Variants in PHF21A observed in about 807,000 individuals in gnomAD.
The protein encoded by PHF21A is BHC80a.
A neutral mutation model predicts 82.5 loss-of-function variants in PHF21A; 11 were observed. The ratio of observed to expected loss-of-function variants is 0.13; its 90% confidence interval spans 0.08 to 0.22. The LOEUF (loss-of-function observed/expected upper bound fraction) is 0.22. Ranked by LOEUF, PHF21A falls within the 10% of genes least tolerant of loss-of-function variation. The pLI is 1.00. For synonymous variants in PHF21A, 297 were observed against 302.8 expected (o/e 0.98, Z 0.20); for missense variants, 579 against 837.8 (o/e 0.69, Z 3.81).
At chr11:46,005,024 A>T (rs1279020349) in intron 6 of PHF21A, among the ~76,000 whole-genome samples, 1 of 152,190 alleles carries the variant, frequency 6.6e-6, no homozygotes, top group African/African-American at 2.4e-5. Context: ...TATGCAGTTA[A>T]ATTTTAACAC....
At chr11:46,040,112 C>G (rs537681334) in intron 6 of PHF21A, among the ~76,000 whole-genome samples, 28 of 152,292 alleles carry the variant, frequency 1.8e-4, no homozygotes, top group African/African-American at 6.5e-4. Context: ...CCAGATATAA[C>G]AGGGTTACTA....
chr11:46,109,874 G>A (rs1251457726), intron 1 of PHF21A, among the ~76,000 whole-genome samples: 1 of 151,860 alleles, frequency 6.6e-6, no homozygotes, highest in Non-Finnish European at 1.5e-5. Flanking sequence ...CAACTACTCG[G>A]GAAGGCTGAG....
At chr11:46,046,664 G>T (rs927992357) in intron 6 of PHF21A, among the ~76,000 whole-genome samples, 1 of 152,132 alleles carries the variant, frequency 6.6e-6, no homozygotes, top group Non-Finnish European at 1.5e-5. Context: ...TATGCCACAA[G>T]ACAAAAATAA....
chr11:45,983,979 C>T (rs1055018901), intron 6 of PHF21A, among the ~76,000 whole-genome samples: 9 of 152,040 alleles, frequency 5.9e-5, no homozygotes, highest in Non-Finnish European at 1.2e-4. Context: ...TGGTCACTGA[C>T]GAAGGTTATA....
intron 6 of PHF21A, among the ~76,000 whole-genome samples, chr11:45,991,878 A>G (rs1231427444): frequency 6.6e-6 from 1 of 152,240 alleles, no homozygotes; most frequent in Non-Finnish European, 1.5e-5. Flanking sequence ...ACACCCAAAG[A>G]AGCTAAATCA....
rs752422069 is a variant in PHF21A at position 46,076,852 on chromosome 11, A to G, written c.88-33T>C. On this transcript the variant is annotated intron_variant, in intron 5 of 18. Coordinates refer to ENST00000676320, the MANE Select transcript of PHF21A (RefSeq NM_001352027.3). ...GAAAGAAAAAATATCTGTGAGAAAG[A>G]TATTTCATTTGTTAACAGAATAGTA... 5.8e-6 allele frequency: 9 copies of G among 1,541,002 alleles called. No homozygotes were observed. In the Admixed American group the frequency reaches 1.5e-4, roughly 26 times the overall value.
At chr11:45,947,754 G>T (rs2091505084) in intron 14 of PHF21A, among the ~76,000 whole-genome samples, 1 of 151,834 alleles carries the variant, frequency 6.6e-6, no homozygotes, top group Non-Finnish European at 1.5e-5. Context: ...TGCATCAGGG[G>T]TCACTAAAAA....
At chr11:45,953,669 T>G (rs1201227881) in intron 10 of PHF21A, 44 bp from the exon 11 acceptor site, 1 of 1,291,582 alleles carries the variant, frequency 7.7e-7, no homozygotes, top group South Asian at 1.2e-5. Context: ...TCGTTTTTTA[T>G]TAAAAGGATG....
chr11:45,966,150 C>G (rs1263504195), intron 9 of PHF21A, among the ~76,000 whole-genome samples: 2 of 151,778 alleles, frequency 1.3e-5, no homozygotes, highest in East Asian at 3.9e-4. Flanking sequence ...TTCCTAGGAG[C>G]TTTTGCCCAT....
intron 3 of PHF21A, among the ~76,000 whole-genome samples, chr11:46,089,920 C>A (rs1399111123): frequency 3.3e-5 from 5 of 151,820 alleles, no homozygotes; most frequent in Non-Finnish European, 7.4e-5. Context: ...CCCCATAGCA[C>A]CCTCCTTCAC....
chr11:46,089,463 T>C (rs916697716), intron 3 of PHF21A, among the ~76,000 whole-genome samples: 13 of 152,218 alleles, frequency 8.5e-5, no homozygotes, highest in African/African-American at 2.2e-4. Context: ...TATTTTCTTA[T>C]CATTTAGCAA....
At chr11:46,080,498 T>C (rs928938165) in intron 4 of PHF21A, among the ~76,000 whole-genome samples, 1 of 152,080 alleles carries the variant, frequency 6.6e-6, no homozygotes, top group Non-Finnish European at 1.5e-5. Flanking sequence ...CAAGCTTTTA[T>C]TGATACTTAG....
intron 1 of PHF21A, among the ~76,000 whole-genome samples, chr11:46,106,931 G>A (rs752978752): frequency 1.3e-5 from 2 of 152,152 alleles, no homozygotes; most frequent in African/African-American, 4.8e-5. Context: ...AGAAAGAAAG[G>A]CTGTTTCTTT....
intron 6 of PHF21A, among the ~76,000 whole-genome samples, chr11:45,998,927 A>G (rs1273387273): frequency 2.0e-5 from 3 of 151,886 alleles, no homozygotes; most frequent in Non-Finnish European, 4.4e-5. Context: ...GGTTCAAGCA[A>G]TTCTCCTCCC....
At chr11:45,978,097 C>T (rs888897814) in intron 7 of PHF21A, among the ~76,000 whole-genome samples, 12 of 151,932 alleles carry the variant, frequency 7.9e-5, no homozygotes, top group Non-Finnish European at 1.2e-4. Flanking sequence ...GTCAGGAGTT[C>T]GAGACCAGCC....
intron 6 of PHF21A, among the ~76,000 whole-genome samples, chr11:46,026,554 C>T (rs1387606535): frequency 1.3e-5 from 2 of 152,086 alleles, no homozygotes; most frequent in Admixed American, 6.5e-5. Context: ...CTACCCTGTT[C>T]GCCCCTCAAA....
intron 6 of PHF21A, among the ~76,000 whole-genome samples, chr11:45,991,383 T>C (rs966173972): frequency 3.9e-5 from 6 of 152,170 alleles, no homozygotes; most frequent in Non-Finnish European, 8.8e-5. Flanking sequence ...AATGAGGCTC[T>C]GAGTAATTAA....
rs572641708 is a variant in PHF21A, at chr11:45,992,756, A to C, written c.154-12790T>G. On this transcript the variant is annotated intron_variant, in intron 6 of 18. Coordinates refer to ENST00000676320, the MANE Select transcript of PHF21A (RefSeq NM_001352027.3). ...AAAATATCTGAAGACACAGGGAAACACACAACTATATACAAAATATAACAG... is the reference window on the plus strand; with the variant it reads ...AAAATATCTGAAGACACAGGGAAACCCACAACTATATACAAAATATAACAG... Among the ~76,000 whole-genome samples, 16 of 152,368 alleles carry C rather than the reference A, an allele frequency of 1.1e-4. No individual in the cohort carries two copies. The East Asian group carries it at 3.1e-3, about 29-fold the overall frequency.
At chr11:46,065,055 G>A (rs1024101870) in intron 6 of PHF21A, among the ~76,000 whole-genome samples, 2 of 152,150 alleles carry the variant, frequency 1.3e-5, no homozygotes, top group African/African-American at 2.4e-5. Flanking sequence ...ATTAGTAGAG[G>A]AAAGTGTTAT....
Sources: allele counts gnomAD v4.1 joint callset (sites outside exome capture counted in the v4.1 genomes callset), GRCh38; gene constraint gnomAD v4.1.1; transcripts MANE v1.5; gene names NCBI Gene and HGNC (gene_info 2026-07-23, HGNC 2026-07-21).